The following PTK2B variants were observed in gnomAD, a reference collection of about 807,000 sequenced individuals.
The protein encoded by PTK2B is protein-tyrosine kinase 2-beta.
In PTK2B, 71 loss-of-function variants were observed where a neutral mutation model predicts 142.9. The ratio of observed to expected loss-of-function variants is 0.50; its 90% CI spans 0.41 to 0.61. The LOEUF (loss-of-function observed/expected upper bound fraction) is 0.61. Ranked by LOEUF, PTK2B falls within the 20% of genes least tolerant of loss-of-function variation. The probability of loss-of-function intolerance (pLI) is 0.00; values close to 1 mark genes in which losing one functional copy is unlikely to be tolerated. For missense variants in PTK2B, 1,105 were observed against 1,320.4 expected (o/e 0.84, Z 2.53); for synonymous variants, 519 against 503.4 (o/e 1.03, Z -0.42).
intron 1 of PTK2B, among the ~76,000 whole-genome samples, chr8:27,331,053 T>TGAAA (rs1278927884): frequency 3.9e-5 from 6 of 152,334 alleles, no homozygotes; most frequent in African/African-American, 1.4e-4. Flanking sequence ...TTTTATGTTC[T>TGAAA]GAAATCCACC....
chr8:27,401,444 G>C (rs575015164), intron 2 of PTK2B, among the ~76,000 whole-genome samples: 1 of 152,286 alleles, frequency 6.6e-6, no homozygotes, highest in African/African-American at 2.4e-5. Context: ...TGGCAAGATG[G>C]GGGCAGAACA....
upstream of PTK2B, chr8:27,310,849 G>C: frequency 3.1e-6 from 5 of 1,609,864 alleles, no homozygotes; most frequent in Non-Finnish European, 4.2e-6. Context: ...GGTGCCCCTG[G>C]TGTCGGGGGT....
chr8:27,343,155 A>G (rs1804511459), intron 1 of PTK2B, among the ~76,000 whole-genome samples: 1 of 152,198 alleles, frequency 6.6e-6, no homozygotes, highest in Admixed American at 6.5e-5. Flanking sequence ...GCGGGCTTTG[A>G]CATCCAAGTC....
chr8:27,348,824 T>C (rs1026005507), intron 1 of PTK2B, among the ~76,000 whole-genome samples: 3 of 151,994 alleles, frequency 2.0e-5, no homozygotes, highest in Non-Finnish European at 4.4e-5. Flanking sequence ...GAATCCTCTC[T>C]ACTCCCACGC....
At chr8:27,425,613 C>T (rs1810037359) in intron 5 of PTK2B, among the ~76,000 whole-genome samples, 1 of 152,162 alleles carries the variant, frequency 6.6e-6, no homozygotes, top group Non-Finnish European at 1.5e-5. Context: ...GATGAGCCTA[C>T]ATTGACACAT....
intron 1 of PTK2B, among the ~76,000 whole-genome samples, chr8:27,345,058 G>A (rs1178319727): frequency 1.3e-5 from 2 of 152,180 alleles, no homozygotes; most frequent in African/African-American, 2.4e-5. Flanking sequence ...AGCTACTCAG[G>A]AGGCTGAGGC....
At position 27,366,952 on chromosome 8, in the gene PTK2B, G is replaced by T. The variant is rs529485954; in HGVS notation, c.-37-30596G>T. 1.1e-4 allele frequency among the ~76,000 whole-genome samples: 17 copies of T among 152,228 alleles called. No individual in the cohort carries two copies. In the South Asian group the frequency reaches 2.3e-3, roughly 20 times the overall value. ...GCAGAGGAGGAGGCTGAGTGTGGTG[G>T]CTCGGCTGGCACTGGAATGCTCAAT... On this transcript the variant is annotated intron_variant, in intron 1 of 30. Transcript: ENST00000346049.
At chr8:27,358,155 T>G (rs1400768194) in intron 1 of PTK2B, among the ~76,000 whole-genome samples, 1 of 152,240 alleles carries the variant, frequency 6.6e-6, no homozygotes, top group Non-Finnish European at 1.5e-5. Context: ...CTTGGTAGAT[T>G]GGTTAGAACC....
At chr8:27,378,313 A>G (rs1163555284) in intron 1 of PTK2B, among the ~76,000 whole-genome samples, 2 of 152,214 alleles carry the variant, frequency 1.3e-5, no homozygotes, top group African/African-American at 4.8e-5. Context: ...ATCTTGGGCT[A>G]TGGTGAGGGA....
chr8:27,365,884 G>C (rs576417843), intron 1 of PTK2B, among the ~76,000 whole-genome samples: 1 of 152,146 alleles, frequency 6.6e-6, no homozygotes, highest in African/African-American at 2.4e-5. Flanking sequence ...CTGCTCCTCA[G>C]TTATGAAATG....
At chr8:27,320,979 G>GTTTTTTTTTTTTTTTTTT (rs1257774872), upstream of PTK2B, among the ~76,000 whole-genome samples, 1 of 32,658 alleles carries the variant, frequency 3.1e-5, no homozygotes, top group Non-Finnish European at 7.6e-5. Flanking sequence ...CATACAAAAG[G>GTTTTTTTTTTTTTTTTTT]CTTTTTTTTT....
At position 27,423,279 on chromosome 8, in the gene PTK2B, C is replaced by G. The variant is rs185263571; in HGVS notation, c.551+896C>G. Among the ~76,000 whole-genome samples, 3 of 152,278 alleles carry G rather than the reference C, an allele frequency of 2.0e-5. No homozygotes were observed. In the East Asian group the frequency reaches 5.8e-4, roughly 29 times the overall value. The stretch of plus-strand genomic sequence containing the variant: ...TGGCTGACCTGTGTTCTAGCCCTGT[C>G]TTGACCAGGGCAGCACCATTGAGTT... On this transcript the variant is annotated intron_variant, in intron 5 of 30. Transcript: ENST00000346049.
rs78785853 is a variant in PTK2B at position 27,369,241 on chromosome 8, C to T, written c.-37-28307C>T. Among the ~76,000 whole-genome samples the T allele has an allele frequency of 5.8e-3, 882 of 152,274 alleles. 11 individuals carry two copies. Among genetic ancestry groups the T allele is most frequent in the African/African-American group, 0.021 (853 of 41,558 alleles). On this transcript the variant is annotated intron_variant, in intron 1 of 30. Coordinates refer to ENST00000346049, the MANE Select transcript of PTK2B (RefSeq NM_173176.3). ...CCCCTGCCCTACAGCTTACCTTCTACCCTCTTATAATCACAGGATCCCTTC... is the reference window on the plus strand; with the variant it reads ...CCCCTGCCCTACAGCTTACCTTCTATCCTCTTATAATCACAGGATCCCTTC...
chr8:27,447,948 G>C (rs1035920083), intron 24 of PTK2B, among the ~76,000 whole-genome samples: 1 of 152,284 alleles, frequency 6.6e-6, no homozygotes, highest in Admixed American at 6.5e-5. Context: ...GGTGCTGAAG[G>C]GGGGAGGCGC....
chr8:27,378,556 G>A (rs1026324022), intron 1 of PTK2B, among the ~76,000 whole-genome samples: 11 of 151,586 alleles, frequency 7.3e-5, no homozygotes, highest in Admixed American at 2.6e-4. Context: ...TTGCTCTGGG[G>A]TTTAAGTTGC....
At chr8:27,443,401 G>A (rs760893064) in intron 22 of PTK2B, among the ~76,000 whole-genome samples, 5 of 152,204 alleles carry the variant, frequency 3.3e-5, no homozygotes, top group African/African-American at 7.2e-5. Flanking sequence ...CTGAGAGGCC[G>A]TGCCTGTCTT....
chr8:27,402,557 T>A (rs1195931466), intron 2 of PTK2B, among the ~76,000 whole-genome samples: 2 of 152,192 alleles, frequency 1.3e-5, no homozygotes, highest in Non-Finnish European at 2.9e-5. Flanking sequence ...CATCATCCAC[T>A]CCACAAATGT....
chr8:27,395,585 C>A (rs1807996940), intron 1 of PTK2B, among the ~76,000 whole-genome samples: 1 of 152,186 alleles, frequency 6.6e-6, no homozygotes, highest in South Asian at 2.1e-4. Flanking sequence ...AGCTCTGCAC[C>A]TCTGTGCCTG....
chr8:27,397,775 A>G lies in PTK2B; in HGVS notation c.191A>G (p.Gln64Arg). 2 of 1,614,196 alleles carry G rather than the reference A, an allele frequency of 1.2e-6. No individual in the cohort carries two copies. Among genetic ancestry groups the G allele is most frequent in the Non-Finnish European group, 1.7e-6 (2 of 1,179,982 alleles). The change falls in exon 2 of 31, where the codon CAG (glutamine) becomes CGG (arginine). Residue 64 changes from glutamine to arginine, a missense_variant. Coordinates refer to ENST00000346049, the MANE Select transcript of PTK2B (RefSeq NM_173176.3). ...TTCAAACTGGTCAAATGCACTGTCC[A>G]GACGGAGATCCGGGTAAGTGTGAAG... ...KNFKLVKCTVQTEIREIITSI... is the reference protein window; with the variant it reads ...KNFKLVKCTVRTEIREIITSI...
Sources: gnomAD v4.1 joint callset for allele counts (sites outside exome capture counted in the v4.1 genomes callset) on GRCh38, gnomAD v4.1.1 for gene constraint, MANE v1.5 for transcripts, NCBI Gene and HGNC (gene_info 2026-07-23, HGNC 2026-07-21) for gene names.